Variants in STRIP2 observed in about 807,000 individuals in gnomAD.
STRIP2 encodes the protein striatin-interacting protein 2.
STRIP2 carries 84 observed loss-of-function variants against 107.1 expected under a neutral mutation model. That is an observed-to-expected ratio of 0.78 (90% CI 0.66 to 0.94). STRIP2 has a LOEUF of 0.94. Among genes scored for constraint, STRIP2 ranks in the 40% least tolerant of loss-of-function variants. The pLI, the probability that STRIP2 is intolerant of heterozygous loss-of-function variation, is 0.00. For synonymous variants in STRIP2, 394 were observed against 400.4 expected, an observed-to-expected ratio of 0.98 and a Z score of 0.19; for missense variants, 888 against 1,034.2, an observed-to-expected ratio of 0.86 and a Z score of 1.94.
At position 129,443,590 on chromosome 7, in the gene STRIP2, C is replaced by G. The variant is rs567899719; in HGVS notation, c.200-434C>G. On this transcript the variant is annotated intron_variant, in intron 2 of 20. Coordinates refer to ENST00000249344, the MANE Select transcript of STRIP2 (RefSeq NM_020704.3). ...AACCATCTAGCACTTACTTTTCAGC[C>G]CTTGCCATGGTTTCCTGATCCAGCA... Among the ~76,000 whole-genome samples, 3 of 152,250 alleles carry G rather than the reference C, an allele frequency of 2.0e-5. No individual in the cohort carries two copies. In the South Asian group the frequency reaches 6.2e-4, roughly 32 times the overall value.
chr7:129,438,139 G>A, intron 1 of STRIP2, among the ~76,000 whole-genome samples: 1 of 152,100 alleles, frequency 6.6e-6, no homozygotes, highest in Non-Finnish European at 1.5e-5. Context: ...TTGGCATAAT[G>A]TTTTGGGGGA....
At chr7:129,477,984 T>A in intron 18 of STRIP2, 1 of 507,304 alleles carries the variant, frequency 2.0e-6, no homozygotes, top group South Asian at 1.5e-5. Context: ...TTTGATCCCT[T>A]AATGAATCTT....
At position 129,467,441 on chromosome 7, in the gene STRIP2, C is replaced by T. The variant is rs1257185821; in HGVS notation, c.1868C>T (p.Ala623Val). The change falls in exon 17 of 21, where the codon GCC becomes GTC. Residue 623 changes from alanine (A) to valine (V), a missense_variant. Physicochemically the swap from Ala to Val is moderately conservative, Grantham distance 64. Transcript: ENST00000249344. ...CAAAATATCTTGTCATACATCACTG[C>T]CAAAAACAGGTATGAACTCTGGACA... ...FNQNILSYIT[A>V]KNSISVLDYP... The T allele has an allele frequency of 1.2e-6, 2 of 1,611,696 alleles. No individual in the cohort carries two copies. Among genetic ancestry groups the T allele is most frequent in the Admixed American group, 1.7e-5 (1 of 59,934 alleles).
intron 3 of STRIP2, among the ~76,000 whole-genome samples, chr7:129,449,555 G>A (rs1798126221): frequency 6.6e-6 from 1 of 152,156 alleles, no homozygotes; most frequent in Admixed American, 6.5e-5. Flanking sequence ...TGCCACTACT[G>A]GGGATGGGGA....
intron 1 of STRIP2, among the ~76,000 whole-genome samples, chr7:129,437,801 G>GTT (rs1424944608): frequency 1.4e-4 from 4 of 29,172 alleles, no homozygotes; most frequent in Admixed American, 5.2e-4. Context: ...GATTCGCCTT[G>GTT]TTTTTTTTTG....
intron 18 of STRIP2, among the ~76,000 whole-genome samples, chr7:129,477,341 A>C (rs1798997344): frequency 6.6e-6 from 1 of 152,244 alleles, no homozygotes; most frequent in Non-Finnish European, 1.5e-5. Context: ...TTTCAGAGAT[A>C]TACTGTAAAC....
intron 3 of STRIP2, among the ~76,000 whole-genome samples, chr7:129,444,632 T>C (rs1160325567): frequency 1.3e-5 from 2 of 152,204 alleles, no homozygotes; most frequent in Non-Finnish European, 2.9e-5. Flanking sequence ...TGACTCACAG[T>C]ATTAACCATC....
chr7:129,442,522 G>C (rs1395005782), intron 2 of STRIP2, among the ~76,000 whole-genome samples: 1 of 152,088 alleles, frequency 6.6e-6, no homozygotes, highest in Non-Finnish European at 1.5e-5. Context: ...TAATACACAG[G>C]TGTCTTAAAT....
intron 18 of STRIP2, among the ~76,000 whole-genome samples, chr7:129,480,212 A>G (rs1036873257): frequency 1.3e-5 from 2 of 152,206 alleles, no homozygotes; most frequent in African/African-American, 4.8e-5. Flanking sequence ...TTAGGTGTTC[A>G]CAAACTATCA....
rs1799183155 is a variant in STRIP2, at chr7:129,483,753, T to C, written c.2254+707T>C. 1 of 152,188 alleles carries C rather than the reference T, an allele frequency of 6.6e-6. No individual in the cohort carries two copies. The highest frequency in any genetic ancestry group is 2.4e-5 in the African/African-American group (1 of 41,432). The allele number at this position is 152,188 out of a possible 1,614,324, so 9.4% of individuals were successfully genotyped here. A position where few individuals can be genotyped will look rare whatever the true frequency, so the allele number is the denominator to read the frequency against. ...ATTATTTTTGTTTTCTGTTTTTTGT[T>C]TGTTTGTTTTTTTGAGAGGGTCGCT... On this transcript the variant is annotated intron_variant, in intron 20 of 20. Coordinates refer to ENST00000249344, the MANE Select transcript of STRIP2 (RefSeq NM_020704.3). This position sits in a 1 kb window ranked among gnomAD's most constrained non-coding sequence, Gnocchi z 5.1.
chr7:129,475,574 A>ATTT (rs1272392374), intron 18 of STRIP2, among the ~76,000 whole-genome samples: 5 of 42,426 alleles, frequency 1.2e-4, no homozygotes, highest in African/African-American at 1.6e-4. Flanking sequence ...TTTTCTTTTT[A>ATTT]TTTTTTTTTA....
rs1799236494 is a variant in STRIP2, at chr7:129,485,924, G to A, written c.*95G>A. On this transcript the variant is annotated 3_prime_UTR_variant, in exon 21 of 21. Transcript: ENST00000249344. ...CCATACAGGCGCTGTTACCAGTTCA[G>A]GGCTCTTCTGGGGGCTCTTGGGCCT... 7.1e-7 allele frequency: 1 copy of A among 1,399,706 alleles called. No homozygotes were observed. Among genetic ancestry groups the A allele is most frequent in the African/African-American group, 1.4e-5 (1 of 70,654 alleles). The allele number at this position is 1,399,706 out of a possible 1,614,324, so 86.7% of individuals were successfully genotyped here.
chr7:129,441,704 T>C (rs1797903230), intron 2 of STRIP2, among the ~76,000 whole-genome samples: 1 of 151,774 alleles, frequency 6.6e-6, no homozygotes, highest in African/African-American at 2.4e-5. Flanking sequence ...ATGCCTATGG[T>C]CATAGGCATG....
chr7:129,478,952 A>G (rs1347964543), intron 18 of STRIP2, among the ~76,000 whole-genome samples: 1 of 152,134 alleles, frequency 6.6e-6, no homozygotes, highest in Non-Finnish European at 1.5e-5. Flanking sequence ...CTTATCCCAT[A>G]TGTTTTGTGT....
intron 17 of STRIP2, among the ~76,000 whole-genome samples, chr7:129,470,318 C>T (rs542037442): frequency 6.6e-6 from 1 of 152,334 alleles, no homozygotes; most frequent in African/African-American, 2.4e-5. Context: ...TTCACACATA[C>T]AGTTAAATGC....
Position 129,451,642 on chromosome 7 carries a change from G to T in STRIP2, c.304G>T (p.Glu102Ter). 1.2e-6 allele frequency: 2 copies of T among 1,614,178 alleles called. No individual in the cohort carries two copies. Among genetic ancestry groups the T allele is most frequent in the Non-Finnish European group, 1.7e-6 (2 of 1,180,028 alleles). ...GGGCAAGGAATGGCTGGAGTTGGAA[G>T]AAGATGCCCAAAAGGCCTATATAAT... Reference protein sequence around the residue: ...VQGKEWLELEEDAQKAYIMGL... With the variant: ...VQGKEWLELE Residue 102 changes from glutamate to a stop codon, truncating the protein, a stop_gained, in exon 4 of 21, where the codon GAA becomes TAA. Coordinates refer to ENST00000249344, the MANE Select transcript of STRIP2 (RefSeq NM_020704.3). LOFTEE classifies it high-confidence loss of function.
chr7:129,454,756 T>C (rs1447501511), intron 7 of STRIP2, among the ~76,000 whole-genome samples: 1 of 152,186 alleles, frequency 6.6e-6, no homozygotes, highest in Non-Finnish European at 1.5e-5. Context: ...TATGCCTTGG[T>C]TTCCTTGGTT....
At position 129,485,654 on chromosome 7, in the gene STRIP2, G is replaced by A. The variant is rs199633795; in HGVS notation, c.2330G>A (p.Arg777His). Residue 777 changes from arginine to histidine, a missense_variant, in exon 21 of 21, where the codon CGT (arginine) becomes CAT (histidine). Physicochemically the swap from Arg to His is conservative, Grantham distance 29. Coordinates refer to ENST00000249344, the MANE Select transcript of STRIP2 (RefSeq NM_020704.3). ...LRANIEAFNS[R>H]RYDRPQDSEF... ...GCCAACATTGAGGCTTTTAACAGCC[G>A]TCGCTATGACAGACCCCAGGACTCT... 3.3e-5 allele frequency: 54 copies of A among 1,613,856 alleles called. No individual in the cohort carries two copies. Among genetic ancestry groups the A allele is most frequent in the Non-Finnish European group, 4.1e-5 (48 of 1,180,030 alleles).
intron 1 of STRIP2, among the ~76,000 whole-genome samples, chr7:129,435,386 G>A (rs907696445): frequency 2.0e-5 from 3 of 152,200 alleles, no homozygotes; most frequent in African/African-American, 7.2e-5. Flanking sequence ...TCTGAGCGGG[G>A]ATCAGAATAG....
Sources: allele counts gnomAD v4.1 joint callset (sites outside exome capture counted in the v4.1 genomes callset), GRCh38; gene constraint gnomAD v4.1.1; non-coding constraint Gnocchi (gnomAD v3.1); transcripts MANE v1.5; gene names NCBI Gene and HGNC (gene_info 2026-07-23, HGNC 2026-07-21).